The following IGFBP7 variants were observed in gnomAD, a reference collection of about 807,000 sequenced individuals.
The protein encoded by IGFBP7 is insulin-like growth factor-binding protein 7.
Under a neutral mutation model 29.4 loss-of-function variants are expected in IGFBP7, and 31 were observed. The observed-to-expected ratio is 1.05, with a 90% CI of 0.79 to 1.42. The LOEUF is 1.42. IGFBP7 is among the 40% of genes most tolerant of loss of function. IGFBP7 has a pLI of 0.00. For synonymous variants in IGFBP7, 172 were observed against 174.9 expected (o/e 0.98, Z 0.13); for missense variants, 393 against 395.5 (o/e 0.99, Z 0.05).
intron 1 of IGFBP7, among the ~76,000 whole-genome samples, chr4:57,057,230 G>A (rs141909489): frequency 0.12 from 18,236 of 152,186 alleles, 1,203 homozygotes; most frequent in Middle Eastern, 0.21. Context: ...GGCTGGTCTC[G>A]AACTCCTGGG....
In IGFBP7 at chr4:57,110,202, C is replaced by T. The variant is rs1387663633; in HGVS notation, c.150G>A (p.Leu50=). The change falls in exon 1 of 5, where the codon CTG becomes CTA. Residue 50 remains leucine, a synonymous_variant. Transcript: ENST00000295666. ...CPPLPPLGCL[L]GETRDACGCC... is the part of the protein sequence containing the mutation. ...AGCCGCACGCGTCGCGGGTCTCGCC[C>T]AGCAGGCAGCCCAGCGGGGGCAGGG... is the stretch of plus-strand genomic sequence containing the variant. 1 of 1,381,570 alleles carries T rather than the reference C, an allele frequency of 7.2e-7. No homozygotes were observed. The highest frequency in any genetic ancestry group is 1.5e-5 in the African/African-American group (1 of 65,904). The allele number at this position is 1,381,570 out of a possible 1,614,324, so 85.6% of individuals were successfully genotyped here.
intron 2 of IGFBP7, among the ~76,000 whole-genome samples, chr4:57,033,555 G>A (rs538241831): frequency 6.6e-6 from 1 of 152,232 alleles, no homozygotes; most frequent in Non-Finnish European, 1.5e-5. Flanking sequence ...CATGCCTGGG[G>A]AATATACATG....
chr4:57,041,311 A>G (rs942525955), intron 1 of IGFBP7, among the ~76,000 whole-genome samples: 8 of 152,014 alleles, frequency 5.3e-5, no homozygotes, highest in African/African-American at 1.9e-4. Flanking sequence ...CACTATTTCT[A>G]TTTTGGGTTG....
At chr4:57,064,367 A>C (rs965313090) in intron 1 of IGFBP7, among the ~76,000 whole-genome samples, 1 of 152,186 alleles carries the variant, frequency 6.6e-6, no homozygotes, top group African/African-American at 2.4e-5. Flanking sequence ...CAAACAAATA[A>C]AACTGCAGAA....
rs1027082652 is a variant in IGFBP7, at chr4:57,066,900, A to G, written c.476-25967T>C. On this transcript the variant is annotated intron_variant, in intron 1 of 4. Transcript: ENST00000295666. ...AAAGAAGAAAAAAAAACTGAATAATACAACATCTTTGAACTTTCTCCATCA... is the reference window on the plus strand; with the variant it reads ...AAAGAAGAAAAAAAAACTGAATAATGCAACATCTTTGAACTTTCTCCATCA... Among the ~76,000 whole-genome samples, 4 of 151,972 alleles carry G rather than the reference A, an allele frequency of 2.6e-5. No homozygotes were observed. The East Asian group carries it at 7.7e-4, about 29-fold the overall frequency.
intron 1 of IGFBP7, among the ~76,000 whole-genome samples, chr4:57,075,703 A>G (rs1725205437): frequency 6.6e-6 from 1 of 152,220 alleles, no homozygotes; most frequent in South Asian, 2.1e-4. Context: ...CAACAGCTAA[A>G]AAAAGCTAAA....
In IGFBP7 at chr4:57,084,452, T is replaced by C. The variant is rs144090061; in HGVS notation, c.475+25425A>G. ...TCAACATTATACAGACTTGAACATTTTGAGAGTAAGTCACATGTTTATGCA... is the reference window on the plus strand; with the variant it reads ...TCAACATTATACAGACTTGAACATTCTGAGAGTAAGTCACATGTTTATGCA... On this transcript the variant is annotated intron_variant, in intron 1 of 4. Coordinates refer to ENST00000295666, the MANE Select transcript of IGFBP7 (RefSeq NM_001553.3). 3.1e-3 allele frequency among the ~76,000 whole-genome samples: 479 copies of C among 152,342 alleles called. 3 individuals are homozygous for C. The highest frequency in any genetic ancestry group is 1.0e-2 in the African/African-American group (415 of 41,594).
intron 1 of IGFBP7, among the ~76,000 whole-genome samples, chr4:57,097,609 A>C (rs980201503): frequency 1.3e-5 from 2 of 152,006 alleles, no homozygotes; most frequent in Middle Eastern, 6.3e-3. Flanking sequence ...ATTTAGTGAA[A>C]TCCTACTACA....
In IGFBP7 at chr4:57,032,272, T is replaced by C; in HGVS notation, c.829+154A>G. The C allele has an allele frequency of 6.9e-6, 10 of 1,440,032 alleles. No homozygotes were observed. The South Asian group carries it at 1.4e-4, about 20-fold the overall frequency. The allele number at this position is 1,440,032 out of a possible 1,614,324, so 89.2% of individuals were successfully genotyped here. On this transcript the variant is annotated intron_variant, in intron 4 of 4. Coordinates refer to ENST00000295666, the MANE Select transcript of IGFBP7 (RefSeq NM_001553.3). ...ATCCAGATAATCTTTTGGAGTCTCATGCTGTACATTTTAATGGCATACTTA... is the reference window on the plus strand; with the variant it reads ...ATCCAGATAATCTTTTGGAGTCTCACGCTGTACATTTTAATGGCATACTTA...
chr4:57,034,670 T>C (rs942628452), intron 2 of IGFBP7, among the ~76,000 whole-genome samples: 4 of 152,196 alleles, frequency 2.6e-5, no homozygotes, highest in Non-Finnish European at 5.9e-5. Context: ...TCTGCTGTTG[T>C]GTCGGCTTCA....
chr4:57,055,063 G>T (rs1724621113), intron 1 of IGFBP7, among the ~76,000 whole-genome samples: 1 of 152,212 alleles, frequency 6.6e-6, no homozygotes, highest in Non-Finnish European at 1.5e-5. Flanking sequence ...GACCCTCTTA[G>T]ACCAGGAGCT....
intron 1 of IGFBP7, among the ~76,000 whole-genome samples, chr4:57,053,207 G>T (rs545055874): frequency 6.6e-6 from 1 of 152,052 alleles, no homozygotes; most frequent in Non-Finnish European, 1.5e-5. Flanking sequence ...AGCAGTGATG[G>T]AGTTTCACCA....
intron 1 of IGFBP7, among the ~76,000 whole-genome samples, chr4:57,088,766 C>T (rs1350011648): frequency 1.3e-5 from 2 of 152,006 alleles, no homozygotes; most frequent in African/African-American, 2.4e-5. Flanking sequence ...CGGTGGCTCA[C>T]GTCTGTAATC....
chr4:57,092,988 A>C lies in IGFBP7; in HGVS notation c.475+16889T>G, dbSNP rs373704322. ...ATAAATACATATGGTTAGTATGATC[A>C]AAATAATGTCATATGAGCCTAGAAA... On this transcript the variant is annotated intron_variant, in intron 1 of 4. Transcript: ENST00000295666. Among the ~76,000 whole-genome samples, 8 of 152,316 alleles carry C rather than the reference A, an allele frequency of 5.3e-5. No homozygotes were observed. The East Asian group carries it at 1.5e-3, about 29-fold the overall frequency.
intron 1 of IGFBP7, chr4:57,073,021 C>T: frequency 8.8e-7 from 1 of 1,130,534 alleles, no homozygotes; most frequent in Non-Finnish European, 1.3e-6. Flanking sequence ...GCAAACCCAA[C>T]ATTGATAGCT....
At chr4:57,095,968 T>C (rs971978794) in intron 1 of IGFBP7, among the ~76,000 whole-genome samples, 7 of 152,126 alleles carry the variant, frequency 4.6e-5, no homozygotes, top group African/African-American at 1.4e-4. Context: ...ATTAAGTGCC[T>C]ACCGTATCCC....
At chr4:57,085,133 T>A (rs1363365133) in intron 1 of IGFBP7, among the ~76,000 whole-genome samples, 1 of 152,192 alleles carries the variant, frequency 6.6e-6, no homozygotes, top group Non-Finnish European at 1.5e-5. Context: ...TTGTTTTCAC[T>A]AGAATATCAA....
chr4:57,084,189 T>C (rs2109788727), intron 1 of IGFBP7, among the ~76,000 whole-genome samples: 1 of 152,348 alleles, frequency 6.6e-6, no homozygotes, highest in Non-Finnish European at 1.5e-5. Flanking sequence ...ATTAATTTTG[T>C]CTCAATTATC....
chr4:57,077,338 T>G (rs1725253380), intron 1 of IGFBP7, among the ~76,000 whole-genome samples: 1 of 152,150 alleles, frequency 6.6e-6, no homozygotes, highest in Admixed American at 6.5e-5. Context: ...GATGTAGTGA[T>G]GTGATCTCGG....
Sources: allele counts gnomAD v4.1 joint callset (sites outside exome capture counted in the v4.1 genomes callset), GRCh38; gene constraint gnomAD v4.1.1; transcripts MANE v1.5; gene names NCBI Gene and HGNC (gene_info 2026-07-23, HGNC 2026-07-21).